DAB1: variants seen among roughly 807,000 people sequenced by gnomAD.
DAB1 encodes the protein DAB adaptor protein 1.
A neutral mutation model predicts 64.6 loss-of-function variants in DAB1; 15 were observed. The observed-to-expected ratio is 0.23, with a 90% CI of 0.16 to 0.36. The LOEUF (loss-of-function observed/expected upper bound fraction) is 0.36, where lower values mean the gene tolerates loss of function less well. Ranked by LOEUF, DAB1 falls within the 10% of genes least tolerant of loss-of-function variation. The pLI is 1.00. For missense variants in DAB1, 596 were observed against 706.7 expected (o/e 0.84, Z 1.78); for synonymous variants, 235 against 251.9 (o/e 0.93, Z 0.64).
intron 5 of DAB1, among the ~76,000 whole-genome samples, chr1:58,065,776 G>A (rs1241174870): frequency 1.3e-5 from 2 of 152,172 alleles, no homozygotes; most frequent in East Asian, 1.9e-4. Context: ...GGGAGATGTC[G>A]AGCTGCAGTG....
chr1:58,235,302 G>C (rs1328277889), intron 4 of DAB1, among the ~76,000 whole-genome samples: 1 of 152,216 alleles, frequency 6.6e-6, no homozygotes, highest in African/African-American at 2.4e-5. Context: ...CTTGTTGAAG[G>C]TCAGATATTT....
chr1:58,491,073 C>T (rs1034835283), intron 3 of DAB1, among the ~76,000 whole-genome samples: 1 of 152,052 alleles, frequency 6.6e-6, no homozygotes, highest in African/African-American at 2.4e-5. Flanking sequence ...TCCCAAAGTG[C>T]TGAGATTACA....
At chr1:58,195,162 C>G (rs1414561462) in intron 4 of DAB1, among the ~76,000 whole-genome samples, 1 of 151,546 alleles carries the variant, frequency 6.6e-6, no homozygotes, top group East Asian at 2.0e-4. Flanking sequence ...CAGAGAGAGA[C>G]AGAGAGAGAT....
chr1:57,191,966 A>T (rs1316505923), intron 2 of DAB1, among the ~76,000 whole-genome samples: 1 of 152,146 alleles, frequency 6.6e-6, no homozygotes, highest in African/African-American at 2.4e-5. Flanking sequence ...GGCACGAGCT[A>T]ATACCACAAA....
chr1:57,650,056 C>G lies in DAB1; in HGVS notation n.552-391G>C, dbSNP rs776565286. On this transcript the variant is annotated intron_variant and non_coding_transcript_variant, in intron 6 of 20. Coordinates refer to the DAB1 transcript ENST00000485760. ...GGGCTCTTGCCTTGAGATCAGTAAA[C>G]AGGCAGGCACTGGAGAAAATGTTGA... Among the ~76,000 whole-genome samples, 3 of 152,226 alleles carry G rather than the reference C, an allele frequency of 2.0e-5. No homozygotes were observed. The South Asian group carries it at 6.2e-4, about 31-fold the overall frequency.
At chr1:57,086,115 T>C (rs1256283114) in intron 4 of DAB1, among the ~76,000 whole-genome samples, 2 of 152,112 alleles carry the variant, frequency 1.3e-5, no homozygotes, top group Non-Finnish European at 2.9e-5. Context: ...TGCAGAATTT[T>C]GAAGGCCAGT....
intron 1 of DAB1, among the ~76,000 whole-genome samples, chr1:57,394,950 A>C (rs1682681411): frequency 6.6e-6 from 1 of 152,256 alleles, no homozygotes; most frequent in South Asian, 2.1e-4. Context: ...CCTCTTAGAA[A>C]GGATATCATC....
chr1:58,260,938 T>C (rs1487801703), intron 4 of DAB1, among the ~76,000 whole-genome samples: 2 of 152,208 alleles, frequency 1.3e-5, no homozygotes, highest in Non-Finnish European at 2.9e-5. Context: ...AGAGACTGTT[T>C]CTTTTATTTC....
At chr1:57,560,313 C>T (rs544344416) in intron 7 of DAB1, among the ~76,000 whole-genome samples, 9 of 152,308 alleles carry the variant, frequency 5.9e-5, no homozygotes, top group South Asian at 2.1e-4. Context: ...TGATATTATG[C>T]TGATTGGATC....
intron 9 of DAB1, among the ~76,000 whole-genome samples, chr1:57,026,253 G>A (rs1646783546): frequency 6.6e-6 from 1 of 152,138 alleles, no homozygotes; most frequent in African/African-American, 2.4e-5. Flanking sequence ...CTTGCATCTG[G>A]CTATTTATCT....
intron 1 of DAB1, among the ~76,000 whole-genome samples, chr1:57,417,273 T>C (rs949885519): frequency 8.7e-5 from 13 of 150,044 alleles, no homozygotes; most frequent in Non-Finnish European, 1.6e-4. Context: ...AGGTTGCAAA[T>C]TGTTTTTTGT....
intron 4 of DAB1, among the ~76,000 whole-genome samples, chr1:57,073,395 T>C (rs1267936015): frequency 6.6e-6 from 1 of 152,222 alleles, no homozygotes; most frequent in East Asian, 1.9e-4. Flanking sequence ...TTGAAAATCT[T>C]TTATAATTCA....
rs931976582 is a variant in DAB1 at position 58,193,472 on chromosome 1, T to A, written n.310-42884A>T. Among the ~76,000 whole-genome samples the A allele has an allele frequency of 2.8e-4, 42 of 152,272 alleles. 1 individual carries two copies. Among genetic ancestry groups the A allele is most frequent in the Admixed American group, 2.7e-3 (41 of 15,294 alleles). On this transcript the variant is annotated intron_variant and non_coding_transcript_variant, in intron 4 of 20. Coordinates refer to the DAB1 transcript ENST00000485760. ...AAAACAGACTAAGACATTATTCGTC[T>A]ACTATGTGCAACACTACACTTTATC...
intron 1 of DAB1, among the ~76,000 whole-genome samples, chr1:57,341,223 T>C (rs12142821): frequency 0.25 from 37,454 of 152,064 alleles, 5,869 homozygotes; most frequent in Non-Finnish European, 0.36. Flanking sequence ...CCATCTCTAA[T>C]CTAGGGTTCC....
At chr1:58,010,378 T>A (rs978214368) in intron 5 of DAB1, among the ~76,000 whole-genome samples, 1 of 152,130 alleles carries the variant, frequency 6.6e-6, no homozygotes, top group Non-Finnish European at 1.5e-5. Context: ...CTCAGAGCAA[T>A]TACAGAGCCT....
At chr1:57,711,127 T>C (rs908634534) in intron 6 of DAB1, among the ~76,000 whole-genome samples, 2 of 152,238 alleles carry the variant, frequency 1.3e-5, no homozygotes, top group African/African-American at 4.8e-5. Context: ...CTTAGCAGAA[T>C]TGGCTCCACT....
At position 57,189,279 on chromosome 1, in the gene DAB1, C is replaced by T. The variant is rs61767513; in HGVS notation, c.68-43850G>A. ...TCGTATCAATGTAGTCTTTTATCAA[C>T]ATTTATCAGAGAAACCAAAGTACAT... On this transcript the variant is annotated intron_variant, in intron 2 of 14. Coordinates refer to ENST00000371236, the MANE Select transcript of DAB1 (RefSeq NM_001365792.1). Among the ~76,000 whole-genome samples the T allele has an allele frequency of 8.4e-3, 1,284 of 152,262 alleles. 34 individuals carry two copies. In the East Asian group the frequency reaches 0.091, roughly 11 times the overall value.
At chr1:57,689,598 GT>G (rs752172571) in intron 6 of DAB1, among the ~76,000 whole-genome samples, 19 of 152,104 alleles carry the variant, frequency 1.2e-4, no homozygotes, top group Non-Finnish European at 2.5e-4. Flanking sequence ...GTAAGAACAA[GT>G]CAAATGCTAT....
chr1:57,325,246 T>C (rs1676059590), intron 1 of DAB1, among the ~76,000 whole-genome samples: 1 of 152,218 alleles, frequency 6.6e-6, no homozygotes, highest in African/African-American at 2.4e-5. Flanking sequence ...TACACATTTC[T>C]GAGCTCCCAG....
Sources: allele counts gnomAD v4.1 joint callset (sites outside exome capture counted in the v4.1 genomes callset), GRCh38; gene constraint gnomAD v4.1.1; transcripts MANE v1.5; gene names NCBI Gene and HGNC (gene_info 2026-07-23, HGNC 2026-07-21).